Variants in SPIRE1 observed in about 807,000 individuals in gnomAD.
SPIRE1 encodes the protein spire type actin nucleation factor 1, also known as protein spire homolog 1.
A neutral mutation model predicts 94.1 loss-of-function variants in SPIRE1; 40 were observed. The ratio of observed to expected loss-of-function variants is 0.43; its 90% confidence interval spans 0.33 to 0.55. SPIRE1 has a LOEUF of 0.55. Among genes scored for constraint, SPIRE1 ranks in the 20% least tolerant of loss-of-function variants. The pLI is 0.06. For missense variants in SPIRE1, 838 were observed against 975.2 expected (o/e 0.86, Z 1.87); for synonymous variants, 376 against 371.7 (o/e 1.01, Z -0.13).
chr18:12,584,194 C>G (rs1041160560), intron 2 of SPIRE1, among the ~76,000 whole-genome samples: 23 of 152,058 alleles, frequency 1.5e-4, no homozygotes, highest in Admixed American at 8.5e-4. Flanking sequence ...CTTTGGGAGG[C>G]CGAGGCAGAC....
chr18:12,647,044 C>CAAA (rs34928573), intron 1 of SPIRE1, among the ~76,000 whole-genome samples: 1 of 78,408 alleles, frequency 1.3e-5, no homozygotes, highest in Non-Finnish European at 2.6e-5. Context: ...AACTCTGACT[C>CAAA]AAAAAAAAAA....
At chr18:12,651,196 T>C (rs2038370081) in intron 1 of SPIRE1, among the ~76,000 whole-genome samples, 1 of 152,198 alleles carries the variant, frequency 6.6e-6, no homozygotes, top group Non-Finnish European at 1.5e-5. Flanking sequence ...TTTGAACTTA[T>C]TATTCAAAGA....
At chr18:12,620,887 G>T (rs10401097) in intron 2 of SPIRE1, among the ~76,000 whole-genome samples, 84,773 of 151,670 alleles carry the variant, frequency 0.56, 24,825 homozygotes, top group Middle Eastern at 0.75. Context: ...AGAAAATATT[G>T]GCAAATCATG....
chr18:12,603,396 G>A (rs887843968), intron 2 of SPIRE1, among the ~76,000 whole-genome samples: 2 of 152,104 alleles, frequency 1.3e-5, no homozygotes, highest in Non-Finnish European at 2.9e-5. Context: ...TCCTTGGAAT[G>A]TCCAAAGTGA....
intron 7 of SPIRE1, among the ~76,000 whole-genome samples, chr18:12,495,045 G>A (rs111764043): frequency 0.18 from 22,012 of 122,396 alleles, 2,052 homozygotes; most frequent in African/African-American, 0.27. Context: ...GTGAGACTCT[G>A]TCTCAAAAAA....
At chr18:12,461,979 AAAGCAAT>A (rs1263101518) in intron 12 of SPIRE1, among the ~76,000 whole-genome samples, 2 of 152,182 alleles carry the variant, frequency 1.3e-5, no homozygotes, top group Non-Finnish European at 1.5e-5. Flanking sequence ...TATTTTGGTA[AAAGCAAT>A]AACTTATTCA....
intron 5 of SPIRE1, 95 bp from the exon 6 acceptor site, chr18:12,506,736 C>T (rs2033849086): frequency 8.2e-7 from 1 of 1,218,970 alleles, no homozygotes; most frequent in Non-Finnish European, 1.2e-6. Flanking sequence ...GCTTGGATTA[C>T]AAAACAATGA....
At chr18:12,590,427 T>C (rs1159437473) in intron 2 of SPIRE1, among the ~76,000 whole-genome samples, 1 of 152,090 alleles carries the variant, frequency 6.6e-6, no homozygotes, top group African/African-American at 2.4e-5. Flanking sequence ...GTCCTGAAGT[T>C]CCCTTTCAAT....
intron 1 of SPIRE1, among the ~76,000 whole-genome samples, chr18:12,655,324 C>T (rs1003643624): frequency 6.6e-6 from 1 of 152,050 alleles, no homozygotes; most frequent in Non-Finnish European, 1.5e-5. Context: ...TAAGTGTGCA[C>T]ACCACCAAAT....
At chr18:12,500,426 T>C (rs1052417972) in intron 6 of SPIRE1, among the ~76,000 whole-genome samples, 7 of 152,118 alleles carry the variant, frequency 4.6e-5, no homozygotes, top group African/African-American at 1.4e-4. Context: ...TATCACACTG[T>C]TAGGGGAGTT....
Position 12,657,973 on chromosome 18 carries a change from C to CTT in SPIRE1, c.-108_-107insAA. On this transcript the variant is annotated 5_prime_UTR_variant, in exon 1 of 17. Coordinates refer to ENST00000409402, the MANE Select transcript of SPIRE1 (RefSeq NM_001128626.2). ...CGCCTCACCATCCCCGGAACCGCCG[C>CTT]CGCCCAACGCGGCCGCGCGCGCCGC... 1.0e-6 allele frequency: 1 copy of CTT among 995,046 alleles called. No individual in the cohort carries two copies. Among genetic ancestry groups the CTT allele is most frequent in the Non-Finnish European group, 1.2e-6 (1 of 837,194 alleles). The allele number at this position is 995,046 out of a possible 1,614,324, so 61.6% of individuals were successfully genotyped here. A position where few individuals can be genotyped will look rare whatever the true frequency, so the allele number is the denominator to read the frequency against.
intron 1 of SPIRE1, among the ~76,000 whole-genome samples, chr18:12,639,902 C>T (rs1279297137): frequency 6.6e-6 from 1 of 151,780 alleles, no homozygotes; most frequent in African/African-American, 2.4e-5. Flanking sequence ...AGACGAGTCC[C>T]CTTATGTCCC....
intron 14 of SPIRE1, 148 bp downstream of exon 14, chr18:12,452,919 TA>T: frequency 1.7e-6 from 1 of 604,952 alleles, no homozygotes; most frequent in Non-Finnish European, 2.9e-6. Flanking sequence ...TCAATATTCC[TA>T]ACCTACAAGG....
intron 2 of SPIRE1, among the ~76,000 whole-genome samples, chr18:12,554,465 CAGAT>C (rs1215102616): frequency 6.6e-6 from 1 of 152,058 alleles, no homozygotes; most frequent in East Asian, 1.9e-4. Context: ...AAAACCTGAA[CAGAT>C]AAATAATAAG....
At chr18:12,577,449 T>C (rs955932012) in intron 2 of SPIRE1, among the ~76,000 whole-genome samples, 3 of 152,110 alleles carry the variant, frequency 2.0e-5, no homozygotes, top group East Asian at 1.9e-4. Flanking sequence ...GCCTGGCCAC[T>C]ACAAAAATTA....
chr18:12,476,976 C>A (rs934297565), intron 10 of SPIRE1, among the ~76,000 whole-genome samples: 1 of 152,112 alleles, frequency 6.6e-6, no homozygotes, highest in Non-Finnish European at 1.5e-5. Flanking sequence ...TTTCTCTTTT[C>A]GGCAATTTAT....
chr18:12,461,769 G>A (rs952367897), intron 12 of SPIRE1, among the ~76,000 whole-genome samples: 37 of 151,894 alleles, frequency 2.4e-4, no homozygotes, highest in East Asian at 1.9e-4. Flanking sequence ...CTGGGATTAC[G>A]GGCATGCGCC....
intron 5 of SPIRE1, among the ~76,000 whole-genome samples, chr18:12,508,883 C>T (rs780160631): frequency 2.6e-5 from 4 of 152,154 alleles, no homozygotes; most frequent in Non-Finnish European, 4.4e-5. Context: ...TCATGTTGGC[C>T]AGGCTGGTCT....
chr18:12,615,348 ATATATAT>A (rs2037269525), intron 2 of SPIRE1, among the ~76,000 whole-genome samples: 1 of 72,440 alleles, frequency 1.4e-5, no homozygotes, highest in Non-Finnish European at 2.8e-5. Flanking sequence ...AAAAAAAAAT[ATATATAT>A]ATATATATAT....
Sources: allele counts gnomAD v4.1 joint callset (sites outside exome capture counted in the v4.1 genomes callset), GRCh38; gene constraint gnomAD v4.1.1; transcripts MANE v1.5; gene names NCBI Gene and HGNC (gene_info 2026-07-23, HGNC 2026-07-21).